The following MED13L variants were observed in gnomAD, a reference collection of about 807,000 sequenced individuals.
MED13L encodes mediator complex subunit 13L.
In MED13L, 7 loss-of-function variants were observed where a neutral mutation model predicts 220.9. The observed-to-expected ratio is 0.03, with a 90% CI of 0.02 to 0.06. The LOEUF (loss-of-function observed/expected upper bound fraction) is 0.06, where lower values mean the gene tolerates loss of function less well. Ranked by LOEUF, MED13L falls within the 10% of genes least tolerant of loss-of-function variation. MED13L has a pLI of 1.00. For synonymous variants in MED13L, 1,011 were observed against 1,015.2 expected, an observed-to-expected ratio of 1.00 and a Z score of 0.08; for missense variants, 1,965 against 2,760.5, an observed-to-expected ratio of 0.71 and a Z score of 6.46.
intron 2 of MED13L, among the ~76,000 whole-genome samples, chr12:116,150,381 G>A (rs1207072128): frequency 6.6e-6 from 1 of 152,092 alleles, no homozygotes; most frequent in Non-Finnish European, 1.5e-5. Flanking sequence ...AATCCAAGAA[G>A]GCAAAAAATA....
At chr12:116,033,068 G>A (rs1880954494) in intron 4 of MED13L, among the ~76,000 whole-genome samples, 1 of 149,546 alleles carries the variant, frequency 6.7e-6, no homozygotes, top group South Asian at 2.2e-4. Flanking sequence ...TGGTGTATGA[G>A]TTTGATTGGG....
At chr12:116,238,440 A>C (rs1870306037) in intron 1 of MED13L, among the ~76,000 whole-genome samples, 1 of 152,260 alleles carries the variant, frequency 6.6e-6, no homozygotes, top group Non-Finnish European at 1.5e-5. Flanking sequence ...GATGTCTTAA[A>C]TCTTAAGTTA....
intron 2 of MED13L, among the ~76,000 whole-genome samples, chr12:116,190,464 T>C (rs758220809): frequency 7.9e-5 from 12 of 152,170 alleles, no homozygotes; most frequent in East Asian, 5.8e-4. Context: ...TACAGAAAAA[T>C]TGCTCACTAC....
chr12:116,212,517 C>T (rs1184069854), intron 2 of MED13L, among the ~76,000 whole-genome samples: 1 of 152,088 alleles, frequency 6.6e-6, no homozygotes, highest in Non-Finnish European at 1.5e-5. Flanking sequence ...CCCCCTTCTA[C>T]TAGGAAGGTT....
intron 2 of MED13L, among the ~76,000 whole-genome samples, chr12:116,205,589 C>T (rs952532992): frequency 2.0e-5 from 3 of 150,958 alleles, no homozygotes; most frequent in Non-Finnish European, 2.9e-5. Context: ...CCTTTTCCTC[C>T]CTACTGTTTT....
At chr12:115,973,010 G>A (rs1159276065) in intron 25 of MED13L, among the ~76,000 whole-genome samples, 1 of 152,090 alleles carries the variant, frequency 6.6e-6, no homozygotes, top group East Asian at 1.9e-4. Context: ...CCACACCAGT[G>A]CAGGCTGCTC....
chr12:116,083,012 A>C (rs1200924367), intron 4 of MED13L, among the ~76,000 whole-genome samples: 2 of 152,234 alleles, frequency 1.3e-5, no homozygotes, highest in Non-Finnish European at 2.9e-5. Context: ...TTGATTCAGA[A>C]AACTGCATAA....
At chr12:116,152,761 TA>T (rs778994663) in intron 2 of MED13L, among the ~76,000 whole-genome samples, 20 of 152,172 alleles carry the variant, frequency 1.3e-4, no homozygotes, top group Non-Finnish European at 2.9e-4. Flanking sequence ...AAATGCATGC[TA>T]AAATACGATA....
chr12:116,130,397 C>T (rs761886433), intron 2 of MED13L, among the ~76,000 whole-genome samples: 16 of 152,090 alleles, frequency 1.1e-4, no homozygotes, highest in Non-Finnish European at 2.1e-4. Context: ...AAGCTGATAC[C>T]CTAAAACCTC....
chr12:116,192,257 G>A (rs1310839383), intron 2 of MED13L, among the ~76,000 whole-genome samples: 1 of 152,168 alleles, frequency 6.6e-6, no homozygotes, highest in African/African-American at 2.4e-5. Flanking sequence ...GTCATGGCAT[G>A]TATGTCAACA....
chr12:115,987,064 C>T, intron 18 of MED13L, 45 bp downstream of exon 18: 2 of 1,585,028 alleles, frequency 1.3e-6, no homozygotes, highest in Non-Finnish European at 1.7e-6. Flanking sequence ...CTTCACTGAA[C>T]AGCACTGAAG....
rs368307140 is a variant in MED13L, at chr12:116,008,696, G to T, written c.1717C>A (p.Pro573Thr). 2.5e-6 allele frequency: 4 copies of T among 1,614,008 alleles called. No individual in the cohort carries two copies. The highest frequency in any genetic ancestry group is 1.7e-5 in the Admixed American group (1 of 60,004). The change falls in exon 10 of 31, where the codon CCA becomes ACA. Residue 573 changes from proline to threonine, a missense_variant. This residue lies in a region of MED13L where 818 missense variants were observed against 1,041.2 expected (regional missense o/e 0.79). Transcript: ENST00000281928. ...GCTGGATTCACAGGGACCGATGGTG[G>T]GTCCAAACTCTCTGTTTCCTGACCT... ...PRGQETESLD[P>T]PSVPVNPALY...
At chr12:116,242,265 G>A (rs1409854576) in intron 1 of MED13L, among the ~76,000 whole-genome samples, 1 of 151,948 alleles carries the variant, frequency 6.6e-6, no homozygotes, top group Non-Finnish European at 1.5e-5. Flanking sequence ...GGCTGGGCTC[G>A]AACTCCTGAC....
intron 2 of MED13L, among the ~76,000 whole-genome samples, chr12:116,143,294 T>C (rs1294029399): frequency 4.8e-5 from 7 of 146,870 alleles, no homozygotes; most frequent in African/African-American, 1.8e-4. Context: ...CAGGGGTGAA[T>C]CATTTGAGCC....
chr12:116,092,079 T>A (rs1872267175), intron 4 of MED13L, among the ~76,000 whole-genome samples: 1 of 152,244 alleles, frequency 6.6e-6, no homozygotes, highest in Non-Finnish European at 1.5e-5. Flanking sequence ...CTATTATGCA[T>A]GATTATGTAA....
At chr12:116,226,245 G>A (rs1239002761) in intron 2 of MED13L, among the ~76,000 whole-genome samples, 1 of 151,922 alleles carries the variant, frequency 6.6e-6, no homozygotes, top group Non-Finnish European at 1.5e-5. Context: ...AAGCCCTTTA[G>A]TTCAATCCTA....
chr12:116,152,141 C>T (rs1878087025), intron 2 of MED13L, among the ~76,000 whole-genome samples: 1 of 152,194 alleles, frequency 6.6e-6, no homozygotes, highest in Admixed American at 6.5e-5. Flanking sequence ...GGATTATAAA[C>T]TCCTTGTGGA....
intron 2 of MED13L, among the ~76,000 whole-genome samples, chr12:116,206,316 G>A (rs997901765): frequency 6.6e-6 from 1 of 151,886 alleles, no homozygotes; most frequent in South Asian, 2.1e-4. Flanking sequence ...CCTGACCTCA[G>A]GTGATCCACT....
chr12:116,240,820 C>A (rs1187136716), intron 1 of MED13L, among the ~76,000 whole-genome samples: 1 of 151,266 alleles, frequency 6.6e-6, no homozygotes, highest in Non-Finnish European at 1.5e-5. Flanking sequence ...AGCCACCACG[C>A]CCGGACATCA....
Sources: allele counts gnomAD v4.1 joint callset (sites outside exome capture counted in the v4.1 genomes callset), GRCh38; gene constraint gnomAD v4.1.1; regional missense constraint gnomAD v4.1.1; transcripts MANE v1.5; gene names NCBI Gene and HGNC (gene_info 2026-07-23, HGNC 2026-07-21).